ABCF1: variants seen among roughly 807,000 people sequenced by gnomAD.
The protein encoded by ABCF1 is ATP binding cassette subfamily F member 1.
Under a neutral mutation model 126.3 loss-of-function variants are expected in ABCF1, and 73 were observed. The observed-to-expected ratio is 0.58, with a 90% CI of 0.48 to 0.70. The LOEUF (loss-of-function observed/expected upper bound fraction) is 0.70, where lower values mean the gene tolerates loss of function less well. ABCF1 is among the 30% of genes least tolerant of loss of function. The pLI, the probability that ABCF1 is intolerant of heterozygous loss-of-function variation, is 0.00. For missense variants in ABCF1, 786 were observed against 1,057.5 expected, an observed-to-expected ratio of 0.74 and a Z score of 3.56; for synonymous variants, 345 against 396.4, an observed-to-expected ratio of 0.87 and a Z score of 1.54.
At chr6:30,580,371 A>G (rs1801753465) in intron 7 of ABCF1, 35 bp from the exon 8 acceptor site, 2 of 1,391,646 alleles carry the variant, frequency 1.4e-6, no homozygotes, top group Non-Finnish European at 1.9e-6. Context: ...AAAAAAAAAA[A>G]AAACATTTCA....
chr6:30,577,329 C>G, intron 1 of ABCF1, 80 bp from the exon 2 acceptor site: 4 of 1,326,630 alleles, frequency 3.0e-6, no homozygotes, highest in Non-Finnish European at 4.3e-6. Context: ...AGGATAGAGG[C>G]TACAGAGATC....
intron 4 of ABCF1, 57 bp downstream of exon 4, chr6:30,578,259 C>T (rs1414646764): frequency 1.9e-6 from 3 of 1,613,306 alleles, no homozygotes; most frequent in Non-Finnish European, 2.5e-6. Flanking sequence ...GAGAGTGATA[C>T]CTCATACCCT....
chr6:30,588,005 A>T (rs1802242910), intron 20 of ABCF1, among the ~76,000 whole-genome samples: 1 of 151,542 alleles, frequency 6.6e-6, no homozygotes, highest in African/African-American at 2.4e-5. Context: ...CAGGTTCAAG[A>T]TATTCTCCTG....
chr6:30,581,309 C>T (rs1364661058), intron 8 of ABCF1, among the ~76,000 whole-genome samples: 1 of 151,228 alleles, frequency 6.6e-6, no homozygotes, highest in Admixed American at 6.6e-5. Flanking sequence ...AGGAGGAGTC[C>T]GGAGATCTCT....
chr6:30,584,131 G>A lies in ABCF1; in HGVS notation c.1103-61G>A, dbSNP rs917362957. Reference sequence around the variant, plus strand: ...GGCAAAACAGAAATGTAATTGAAGGGAAAGAAAGATGAGACTCTTGGCTCT... The same window carrying A: ...GGCAAAACAGAAATGTAATTGAAGGAAAAGAAAGATGAGACTCTTGGCTCT... On this transcript the variant is annotated intron_variant, in intron 12 of 24. Transcript: ENST00000326195. This position sits in a 1 kb window ranked among gnomAD's most constrained non-coding sequence, Gnocchi z 4.6. 1.3e-6 allele frequency: 2 copies of A among 1,566,076 alleles called. No homozygotes were observed. The highest frequency in any genetic ancestry group is 1.7e-6 in the Non-Finnish European group (2 of 1,159,434).
Position 30,590,627 on chromosome 6 carries a change from G to A in ABCF1, c.2464G>A (p.Gly822Ser). ...VEEQSVSQID[G>S]DFEDYKREVL... ...GGAGCAGAGTGTTAGCCAAATCGATGGTGACTTTGAAGACTACAAGCGGGA... is the reference window on the plus strand; with the variant it reads ...GGAGCAGAGTGTTAGCCAAATCGATAGTGACTTTGAAGACTACAAGCGGGA... The change falls in exon 25 of 25, where the codon GGT becomes AGT. Residue 822 changes from glycine (G) to serine (S), a missense_variant. Coordinates refer to ENST00000326195, the MANE Select transcript of ABCF1 (RefSeq NM_001025091.2). 6.2e-7 allele frequency: 1 copy of A among 1,613,008 alleles called. No homozygotes were observed. The highest frequency in any genetic ancestry group is 8.5e-7 in the Non-Finnish European group (1 of 1,180,014).
At position 30,590,732 on chromosome 6, in the gene ABCF1, A is replaced by T; in HGVS notation, c.*31A>T. Reference sequence around the variant, plus strand: ...CCTTCCCAGAAGTCTCCCGAGAGACATATTTGTGTGGCCTAGAAGTCCTCT... The same window carrying T: ...CCTTCCCAGAAGTCTCCCGAGAGACTTATTTGTGTGGCCTAGAAGTCCTCT... On this transcript the variant is annotated 3_prime_UTR_variant, in exon 25 of 25. Coordinates refer to ENST00000326195, the MANE Select transcript of ABCF1 (RefSeq NM_001025091.2). 1 of 1,581,300 alleles carries T rather than the reference A, an allele frequency of 6.3e-7. No individual in the cohort carries two copies. Among genetic ancestry groups the T allele is most frequent in the Non-Finnish European group, 8.6e-7 (1 of 1,164,200 alleles).
intron 1 of ABCF1, among the ~76,000 whole-genome samples, chr6:30,571,802 A>G (rs552693734): frequency 2.6e-5 from 4 of 152,230 alleles, no homozygotes; most frequent in East Asian, 3.9e-4. Flanking sequence ...AAGAAAGAGC[A>G]TATGGCACCG....
Position 30,586,443 on chromosome 6 carries a change from A to G in ABCF1, c.1886-31A>G. On this transcript the variant is annotated intron_variant, in intron 18 of 24. Transcript: ENST00000326195. This position sits in a 1 kb window ranked among gnomAD's most constrained non-coding sequence, Gnocchi z 4.9. ...GAGGGACTTTGCAGGGACTGAAAAG[A>G]ATATAAATTGCTTCTTTTCGTGGCT... is the stretch of plus-strand genomic sequence containing the variant. The G allele has an allele frequency of 6.2e-7, 1 of 1,613,424 alleles. No individual in the cohort carries two copies. Among genetic ancestry groups the G allele is most frequent in the Non-Finnish European group, 8.5e-7 (1 of 1,179,410 alleles).
chr6:30,571,550 G>C lies in ABCF1; in HGVS notation c.63G>C (p.Thr21=), dbSNP rs770916062. 1.3e-5 allele frequency: 21 copies of C among 1,609,990 alleles called. No homozygotes were observed. Among genetic ancestry groups the C allele is most frequent in the Non-Finnish European group, 1.8e-5 (21 of 1,179,472 alleles). The change falls in exon 1 of 25, where the codon ACG becomes ACC. Residue 21 remains threonine (T), a synonymous_variant. Coordinates refer to ENST00000326195, the MANE Select transcript of ABCF1 (RefSeq NM_001025091.2). ...EPEWIGDGES[T]SPSDKVVKKG... ...AGTGGATCGGGGACGGAGAGAGCAC[G>C]AGCCCATCAGGTGAGGCTGGTAGGC...
chr6:30,575,784 C>T (rs1162827790), intron 1 of ABCF1, among the ~76,000 whole-genome samples: 4 of 151,988 alleles, frequency 2.6e-5, no homozygotes, highest in Non-Finnish European at 5.9e-5. Flanking sequence ...CAACGTGTCC[C>T]CCTGGCCAGG....
intron 7 of ABCF1, 52 bp from the exon 8 acceptor site, chr6:30,580,354 A>G: frequency 1.6e-6 from 2 of 1,236,058 alleles, no homozygotes; most frequent in Non-Finnish European, 1.1e-6. Context: ...CTCAAAAAAA[A>G]AAAAAGAAAA....
intron 6 of ABCF1, 91 bp from the exon 7 acceptor site, chr6:30,579,840 C>G: frequency 3.1e-6 from 4 of 1,287,974 alleles, no homozygotes; most frequent in Non-Finnish European, 3.2e-6. Flanking sequence ...GTATGGTTAA[C>G]ACAGTAGACT....
chr6:30,585,136 T>C, intron 14 of ABCF1, 124 bp from the exon 15 acceptor site: 1 of 883,684 alleles, frequency 1.1e-6, no homozygotes, highest in Admixed American at 1.9e-5. Context: ...GCCCGAGAAC[T>C]TCTCTGAGGA....
chr6:30,588,797 A>G (rs1031229026), intron 20 of ABCF1, among the ~76,000 whole-genome samples: 1 of 152,106 alleles, frequency 6.6e-6, no homozygotes, highest in Non-Finnish European at 1.5e-5. Flanking sequence ...GAAAGGTATT[A>G]TTAGATTCTC....
intron 8 of ABCF1, among the ~76,000 whole-genome samples, chr6:30,581,338 G>C (rs1264199077): frequency 6.6e-6 from 1 of 150,796 alleles, no homozygotes; most frequent in African/African-American, 2.4e-5. Flanking sequence ...TATGCGTCTG[G>C]CACTTCCTAA....
In ABCF1 at chr6:30,579,918, G is replaced by T. The variant is rs755427393; in HGVS notation, c.490-13G>T. 1 of 1,612,354 alleles carries T rather than the reference G, an allele frequency of 6.2e-7. No homozygotes were observed. Among genetic ancestry groups the T allele is most frequent in the South Asian group, 1.1e-5 (1 of 91,058 alleles). ...GTATGTATGTGTGTAATGTGTATGT[G>T]TGTCTCCTCCAGGCCGTATCTGAGG... On this transcript the variant is annotated splice_polypyrimidine_tract_variant and intron_variant, in intron 6 of 24. Coordinates refer to ENST00000326195, the MANE Select transcript of ABCF1 (RefSeq NM_001025091.2).
chr6:30,584,328 G>C lies in ABCF1; in HGVS notation c.1239G>C (p.Glu413Asp). ...QGDDTAAERL[E>D]KVYEELRATG... ...ATGACACAGCTGCTGAGAGGCTAGA[G>C]AAGGTAGAGGAGATGGCGCAGGGGA... Residue 413 changes from glutamate to aspartate, a missense_variant, in exon 13 of 25, where the codon GAG (glutamate) becomes GAC (aspartate). By Grantham distance (45) the Glu-to-Asp change is conservative. Around this residue, in one of 4 missense-constraint regions of ABCF1, gnomAD observed 163 missense variants for 255.3 expected, o/e 0.64. Coordinates refer to ENST00000326195, the MANE Select transcript of ABCF1 (RefSeq NM_001025091.2). The surrounding 1 kb of genome is among the most constrained non-coding windows in gnomAD (Gnocchi z 4.6). The C allele has an allele frequency of 1.2e-6, 2 of 1,613,146 alleles. No individual in the cohort carries two copies. The highest frequency in any genetic ancestry group is 1.7e-6 in the Non-Finnish European group (2 of 1,180,044).
intron 20 of ABCF1, 52 bp from the exon 21 acceptor site, chr6:30,589,636 G>A (rs912402131): frequency 9.4e-5 from 150 of 1,588,778 alleles, no homozygotes; most frequent in Non-Finnish European, 1.1e-4. Flanking sequence ...GTATGGAGCT[G>A]CAGCACCTTT....
Sources: allele counts gnomAD v4.1 joint callset (sites outside exome capture counted in the v4.1 genomes callset), GRCh38; gene constraint gnomAD v4.1.1; regional missense constraint gnomAD v4.1.1; non-coding constraint Gnocchi (gnomAD v3.1); transcripts MANE v1.5; gene names NCBI Gene and HGNC (gene_info 2026-07-23, HGNC 2026-07-21).